Variants in RYR2 observed in about 807,000 individuals in gnomAD.
The protein encoded by RYR2 is cardiac muscle ryanodine receptor-calcium release channel.
In RYR2, 227 loss-of-function variants were observed where a neutral mutation model predicts 601.1. The ratio of observed to expected loss-of-function variants is 0.38; its 90% CI spans 0.34 to 0.42. The LOEUF (loss-of-function observed/expected upper bound fraction) is 0.42, where lower values mean the gene tolerates loss of function less well. RYR2 is among the 10% of genes least tolerant of loss of function. The pLI, the probability that RYR2 is intolerant of heterozygous loss-of-function variation, is 1.00. For missense variants in RYR2, 4,646 were observed against 6,156.5 expected (o/e 0.75, Z 8.21); for synonymous variants, 2,223 against 2,175.1 (o/e 1.02, Z -0.61).
chr1:237,150,422 A>G (rs1409052), intron 1 of RYR2, among the ~76,000 whole-genome samples: 62,321 of 152,076 alleles, frequency 0.41, 15,513 homozygotes, highest in Non-Finnish European at 0.54. Flanking sequence ...ACAAGTTTCT[A>G]GATAGGGCTG....
rs952821001 is a variant in RYR2 at position 237,528,439 on chromosome 1, C to G, written c.2823-1988C>G. On this transcript the variant is annotated intron_variant, in intron 24 of 104. Transcript: ENST00000366574. The stretch of plus-strand genomic sequence containing the variant: ...ACTGGGAGTCCTGGAACATATCAGC[C>G]ATGGATAAGGGAGGACTACTGTACT... Among the ~76,000 whole-genome samples, 22 of 152,064 alleles carry G rather than the reference C, an allele frequency of 1.4e-4. 1 individual carries two copies. The highest frequency in any genetic ancestry group is 4.8e-5 in the African/African-American group (2 of 41,414).
At chr1:237,279,835 C>T (rs897249147) in intron 2 of RYR2, among the ~76,000 whole-genome samples, 11 of 152,306 alleles carry the variant, frequency 7.2e-5, no homozygotes, top group Non-Finnish European at 2.9e-5. Context: ...TATTCATCAT[C>T]GTGGACTCTG....
chr1:237,757,898 C>A, intron 82 of RYR2, 122 bp downstream of exon 82: 1 of 635,582 alleles, frequency 1.6e-6, no homozygotes, highest in Admixed American at 2.6e-5. Context: ...TAGTTTACCA[C>A]AGTACTGAAG....
chr1:237,732,730 C>T (rs1204360180), intron 78 of RYR2, among the ~76,000 whole-genome samples: 13 of 152,146 alleles, frequency 8.5e-5, no homozygotes, highest in Admixed American at 7.9e-4. Flanking sequence ...TAGGCCTGAT[C>T]GTCAAAATGT....
At chr1:237,352,913 A>G (rs754071433) in intron 3 of RYR2, 10 of 501,890 alleles carry the variant, frequency 2.0e-5, no homozygotes, top group Non-Finnish European at 4.0e-5. Flanking sequence ...ACCATCTTAC[A>G]TAAAAAATCA....
chr1:237,183,025 G>A (rs550488628), intron 1 of RYR2, among the ~76,000 whole-genome samples: 26 of 152,198 alleles, frequency 1.7e-4, no homozygotes, highest in Non-Finnish European at 3.5e-4. Flanking sequence ...TATGATAAGC[G>A]CATTAGTTGG....
chr1:237,604,429 A>T (rs1026763112), intron 35 of RYR2, among the ~76,000 whole-genome samples: 1 of 152,208 alleles, frequency 6.6e-6, no homozygotes, highest in Non-Finnish European at 1.5e-5. Flanking sequence ...AGCAGTGTGT[A>T]GAGGGAAACT....
At chr1:237,158,327 C>T (rs1675621562) in intron 1 of RYR2, among the ~76,000 whole-genome samples, 1 of 151,994 alleles carries the variant, frequency 6.6e-6, no homozygotes, top group Non-Finnish European at 1.5e-5. Context: ...TTAAGACTTA[C>T]AGAAATAAAG....
intron 1 of RYR2, among the ~76,000 whole-genome samples, chr1:237,168,329 G>A (rs1021117928): frequency 2.7e-4 from 41 of 152,102 alleles, no homozygotes; most frequent in African/African-American, 9.9e-4. Flanking sequence ...TTGGGGGAGA[G>A]ATGGAGAGAG....
chr1:237,351,130 G>A (rs895638416), intron 3 of RYR2, among the ~76,000 whole-genome samples: 7 of 152,020 alleles, frequency 4.6e-5, no homozygotes, highest in Non-Finnish European at 8.8e-5. Context: ...ATGAATCAAC[G>A]AGTTAATCAA....
At chr1:237,053,282 G>A (rs1016174668) in intron 1 of RYR2, among the ~76,000 whole-genome samples, 6 of 152,216 alleles carry the variant, frequency 3.9e-5, no homozygotes, top group African/African-American at 1.2e-4. Context: ...TAGGTTCGAC[G>A]AAACGTCAGG....
chr1:237,738,831 T>C (rs1053488557), intron 79 of RYR2, among the ~76,000 whole-genome samples: 1 of 152,202 alleles, frequency 6.6e-6, no homozygotes, highest in Admixed American at 6.5e-5. Context: ...CCATTTCACC[T>C]ATCTTACAAG....
At chr1:237,714,991 C>CAAAAAAAAAA (rs5781983) in intron 71 of RYR2, among the ~76,000 whole-genome samples, 1 of 44,452 alleles carries the variant, frequency 2.2e-5, no homozygotes. Flanking sequence ...GACTCCATCT[C>CAAAAAAAAAA]AAAAAAAAAA....
intron 11 of RYR2, among the ~76,000 whole-genome samples, chr1:237,420,109 A>G (rs753604302): frequency 9.2e-5 from 14 of 152,142 alleles, no homozygotes; most frequent in Admixed American, 3.3e-4. Context: ...ACTCTTACAC[A>G]TGAAACTATT....
At chr1:237,708,806 A>G (rs1394283146) in intron 68 of RYR2, 52 bp from the exon 69 acceptor site, 8 of 1,487,272 alleles carry the variant, frequency 5.4e-6, no homozygotes, top group Admixed American at 1.9e-5. Context: ...ATCTATCATC[A>G]TGTTAATGAA....
At chr1:237,102,619 G>A (rs1668238985) in intron 1 of RYR2, among the ~76,000 whole-genome samples, 1 of 152,164 alleles carries the variant, frequency 6.6e-6, no homozygotes, top group Non-Finnish European at 1.5e-5. Flanking sequence ...ACTTCGGGAG[G>A]CTGAGGAGTG....
At chr1:237,343,053 A>T (rs1182351178) in intron 3 of RYR2, among the ~76,000 whole-genome samples, 1 of 152,076 alleles carries the variant, frequency 6.6e-6, no homozygotes, top group East Asian at 1.9e-4. Context: ...CAAAAGATAA[A>T]AAAAATTAGC....
Position 237,454,497 on chromosome 1 carries a change from G to A in RYR2, c.1399G>A (p.Asp467Asn), listed in dbSNP as rs760509942. 1.2e-6 allele frequency: 2 copies of A among 1,613,520 alleles called. No individual in the cohort carries two copies. Among genetic ancestry groups the A allele is most frequent in the Non-Finnish European group, 1.7e-6 (2 of 1,179,662 alleles). The change falls in exon 15 of 105, where the codon GAT (aspartate) becomes AAT (asparagine). Residue 467 changes from aspartate (D) to asparagine (N), a missense_variant. Asp to Asn is a conservative substitution (Grantham distance 23). This residue lies in a region of RYR2 where 1,807 missense variants were observed against 2,088.1 expected (regional missense o/e 0.87). Coordinates refer to ENST00000366574, the MANE Select transcript of RYR2 (RefSeq NM_001035.3). ...QDLIGYFHPP[D>N]EHLEHEDKQN... ...TCTCATTGGCTACTTCCACCCCCCAGATGAGCATTTAGAGCATGAAGACAA... is the reference window on the plus strand; with the variant it reads ...TCTCATTGGCTACTTCCACCCCCCAAATGAGCATTTAGAGCATGAAGACAA...
chr1:237,145,027 A>G (rs1353138269), intron 1 of RYR2, among the ~76,000 whole-genome samples: 1 of 149,092 alleles, frequency 6.7e-6, no homozygotes, highest in Non-Finnish European at 1.5e-5. Context: ...ATGAGAACGC[A>G]TGGACACAGG....
Sources: gnomAD v4.1 joint callset for allele counts (sites outside exome capture counted in the v4.1 genomes callset) on GRCh38, gnomAD v4.1.1 for gene constraint, gnomAD v4.1.1 regional missense constraint, MANE v1.5 for transcripts, NCBI Gene and HGNC (gene_info 2026-07-23, HGNC 2026-07-21) for gene names.